PYHIN1: variants seen among roughly 807,000 people sequenced by gnomAD.
PYHIN1 encodes pyrin and HIN domain-containing protein 1.
Under a neutral mutation model 43.7 loss-of-function variants are expected in PYHIN1, and 32 were observed. The ratio of observed to expected loss-of-function variants is 0.73; its 90% confidence interval spans 0.55 to 0.98. The LOEUF (loss-of-function observed/expected upper bound fraction) is 0.98, where lower values mean the gene tolerates loss of function less well. PYHIN1 is among the 50% of genes least tolerant of loss of function. The pLI is 0.00. For synonymous variants in PYHIN1, 205 were observed against 203.1 expected (o/e 1.01, Z -0.08); for missense variants, 588 against 589.5 (o/e 1.00, Z 0.03).
intron 7 of PYHIN1, among the ~76,000 whole-genome samples, chr1:158,969,985 G>C (rs1650845566): frequency 6.6e-6 from 1 of 151,942 alleles, no homozygotes; most frequent in African/African-American, 2.4e-5. Flanking sequence ...TGATTCACCA[G>C]GTGAGCAGGA....
chr1:158,990,473 T>C, the PYHIN1 span, among the ~76,000 whole-genome samples: 3 of 152,250 alleles, frequency 2.0e-5, no homozygotes, highest in African/African-American at 7.2e-5. Flanking sequence ...TGGTTAAATC[T>C]CTCTGATTAA....
At position 158,938,519 on chromosome 1, in the gene PYHIN1, G is replaced by A. The variant is rs1391250165; in HGVS notation, c.388G>A (p.Ala130Thr). The A allele has an allele frequency of 1.2e-6, 2 of 1,614,204 alleles. No individual in the cohort carries two copies. The highest frequency in any genetic ancestry group is 2.2e-5 in the South Asian group (2 of 91,078). The change falls in exon 3 of 9, where the codon GCA becomes ACA. Residue 130 changes from alanine (A) to threonine (T), a missense_variant. Ala to Thr is a moderately conservative substitution (Grantham distance 58, BLOSUM62 0). Transcript: ENST00000368140. Reference sequence around the variant, plus strand: ...AAGCAACCGTCTCACAGCTAAAGGAGCAGAGGAGACTCTTGGACCTCAGGT... The same window carrying A: ...AAGCAACCGTCTCACAGCTAAAGGAACAGAGGAGACTCTTGGACCTCAGGT... ...TPSNRLTAKG[A>T]EETLGPQKRK...
chr1:158,960,296 C>T lies in PYHIN1; in HGVS notation c.1360-13351C>T, dbSNP rs77243366. Among the ~76,000 whole-genome samples the T allele has an allele frequency of 9.1e-3, 1,391 of 152,308 alleles. 19 individuals carry two copies. Among genetic ancestry groups the T allele is most frequent in the Middle Eastern group, 0.027 (8 of 294 alleles). ...CATATTCTCTTGGCCACTTCAATAT[C>T]CACTTAAATGAACATCTCCAGACAA... is the stretch of plus-strand genomic sequence containing the variant. On this transcript the variant is annotated intron_variant, in intron 7 of 8. Coordinates refer to ENST00000368140, the MANE Select transcript of PYHIN1 (RefSeq NM_152501.5).
At chr1:158,948,738 A>G (rs1255583164) in intron 7 of PYHIN1, among the ~76,000 whole-genome samples, 1 of 152,196 alleles carries the variant, frequency 6.6e-6, no homozygotes, top group East Asian at 1.9e-4. Context: ...GAATCTTTTG[A>G]GTCTGACCTG....
intron 6 of PYHIN1, 22 bp downstream of exon 6, chr1:158,944,000 A>G (rs1029281973): frequency 5.2e-6 from 8 of 1,541,820 alleles, no homozygotes; most frequent in Non-Finnish European, 7.1e-6. Context: ...AGAAACAAAT[A>G]TTAGTTTTCC....
At chr1:158,944,804 C>T (rs529463366) in intron 6 of PYHIN1, 71 bp from the exon 7 acceptor site, 5 of 1,154,088 alleles carry the variant, frequency 4.3e-6, no homozygotes, top group East Asian at 2.7e-5. Context: ...GGATGATATT[C>T]TCACATATTT....
chr1:158,973,505 T>TCACACACACA (rs144676333), intron 7 of PYHIN1, 142 bp from the exon 8 acceptor site: 50 of 483,478 alleles, frequency 1.0e-4, no homozygotes, highest in African/African-American at 7.5e-4. Flanking sequence ...AAAGGGATTT[T>TCACACACACA]CACACACACA....
the PYHIN1 span, among the ~76,000 whole-genome samples, chr1:158,986,944 C>T: frequency 1.3e-5 from 2 of 152,218 alleles, no homozygotes; most frequent in East Asian, 3.8e-4. Context: ...CTATTTCATG[C>T]AACACTTTCC....
chr1:158,943,303 G>A (rs1649034518), intron 5 of PYHIN1, among the ~76,000 whole-genome samples: 1 of 152,190 alleles, frequency 6.6e-6, no homozygotes, highest in South Asian at 2.1e-4. Context: ...CCTGAGTTCA[G>A]GATGGGAGCA....
intron 7 of PYHIN1, among the ~76,000 whole-genome samples, chr1:158,959,437 C>T (rs1258391521): frequency 6.6e-6 from 1 of 152,154 alleles, no homozygotes; most frequent in Non-Finnish European, 1.5e-5. Context: ...AAAAGTTGGC[C>T]TTAAGACCAC....
At chr1:158,966,038 A>G (rs368181939) in intron 7 of PYHIN1, among the ~76,000 whole-genome samples, 1 of 152,162 alleles carries the variant, frequency 6.6e-6, no homozygotes, top group Non-Finnish European at 1.5e-5. Context: ...GAAATGACCA[A>G]GGGAAATTAC....
chr1:158,960,959 T>C (rs1414745726), intron 7 of PYHIN1, among the ~76,000 whole-genome samples: 1 of 152,180 alleles, frequency 6.6e-6, no homozygotes. Context: ...TAAAATACTT[T>C]CTATACCAAT....
rs1362088850 is a variant in PYHIN1 at position 158,936,273 on chromosome 1, A to G, written c.-20-618A>G. 8.6e-5 allele frequency among the ~76,000 whole-genome samples: 11 copies of G among 127,754 alleles called. 1 individual carries two copies. In the Admixed American group the frequency reaches 1.1e-3, roughly 13 times the overall value. The allele number at this position is 127,754 out of a possible 152,430, so 83.8% of individuals were successfully genotyped here. Reference sequence around the variant, plus strand: ...CCCCGTCCTGTGTCCATGTGTTCTCATTGTTCAATTCCCACCTATGAGTAA... The same window carrying G: ...CCCCGTCCTGTGTCCATGTGTTCTCGTTGTTCAATTCCCACCTATGAGTAA... On this transcript the variant is annotated intron_variant, in intron 1 of 8. Coordinates refer to ENST00000368140, the MANE Select transcript of PYHIN1 (RefSeq NM_152501.5).
At chr1:158,986,364 A>G in the PYHIN1 span, among the ~76,000 whole-genome samples, 2 of 152,146 alleles carry the variant, frequency 1.3e-5, no homozygotes, top group Non-Finnish European at 2.9e-5. Context: ...GGATAATTTC[A>G]TGGGTCCAAG....
chr1:158,939,750 G>A, intron 4 of PYHIN1: 1 of 543,426 alleles, frequency 1.8e-6, no homozygotes, highest in Middle Eastern at 3.0e-4. Flanking sequence ...ATGGTGTTCT[G>A]TTTCCTAGGA....
At chr1:158,960,790 T>G (rs565378847) in intron 7 of PYHIN1, among the ~76,000 whole-genome samples, 6 of 152,338 alleles carry the variant, frequency 3.9e-5, no homozygotes, top group East Asian at 1.9e-4. Context: ...CTGAGAAAAT[T>G]TTTTTAATAA....
At chr1:158,965,863 C>A (rs1034627723) in intron 7 of PYHIN1, among the ~76,000 whole-genome samples, 4 of 151,744 alleles carry the variant, frequency 2.6e-5, no homozygotes, top group Admixed American at 1.3e-4. Context: ...CCCAAGCCAG[C>A]AGGAGAAAAG....
At chr1:158,958,974 A>G (rs1488850783) in intron 7 of PYHIN1, among the ~76,000 whole-genome samples, 1 of 151,702 alleles carries the variant, frequency 6.6e-6, no homozygotes, top group Middle Eastern at 3.4e-3. Flanking sequence ...TGTTGAGCTG[A>G]TAAGTGTTGT....
intron 7 of PYHIN1, among the ~76,000 whole-genome samples, chr1:158,952,908 G>A (rs186669549): frequency 1.3e-5 from 2 of 152,160 alleles, no homozygotes; most frequent in South Asian, 2.1e-4. Context: ...CACCATGCGC[G>A]AGCCGAAGTA....
Sources: allele counts gnomAD v4.1 joint callset (sites outside exome capture counted in the v4.1 genomes callset), GRCh38; gene constraint gnomAD v4.1.1; transcripts MANE v1.5; gene names NCBI Gene and HGNC (gene_info 2026-07-23, HGNC 2026-07-21).